NRXN3: variants seen among roughly 807,000 people sequenced by gnomAD.
The protein encoded by NRXN3 is neurexin III.
A neutral mutation model predicts 137.6 loss-of-function variants in NRXN3; 32 were observed. The observed-to-expected ratio is 0.23, with a 90% CI of 0.18 to 0.31. The LOEUF (loss-of-function observed/expected upper bound fraction) is 0.31, where lower values mean the gene tolerates loss of function less well. Ranked by LOEUF, NRXN3 falls within the 10% of genes least tolerant of loss-of-function variation. The pLI, the probability that NRXN3 is intolerant of heterozygous loss-of-function variation, is 1.00. For missense variants in NRXN3, 1,574 were observed against 2,062.5 expected (o/e 0.76, Z 4.59); for synonymous variants, 798 against 784.5 (o/e 1.02, Z -0.29).
At chr14:78,571,694 T>TAC (rs368692432) in intron 4 of NRXN3, among the ~76,000 whole-genome samples, 16 of 151,986 alleles carry the variant, frequency 1.1e-4, no homozygotes, top group African/African-American at 2.4e-4. Context: ...TGCTTTTACC[T>TAC]ACACACACAC....
At chr14:79,272,086 A>T (rs1598140744) in intron 15 of NRXN3, among the ~76,000 whole-genome samples, 1 of 152,196 alleles carries the variant, frequency 6.6e-6, no homozygotes, top group East Asian at 1.9e-4. Flanking sequence ...TCCCTGCCGT[A>T]GATCAGTAGA....
At chr14:78,573,705 G>A (rs182885474) in intron 4 of NRXN3, among the ~76,000 whole-genome samples, 70 of 152,260 alleles carry the variant, frequency 4.6e-4, no homozygotes, top group African/African-American at 1.3e-3. Flanking sequence ...TTTGGAATTG[G>A]AACTTATATT....
chr14:79,623,849 G>GTTTTTTTTTTTTTTTTTTTT (rs571687023), intron 16 of NRXN3, among the ~76,000 whole-genome samples: 1 of 98,026 alleles, frequency 1.0e-5, no homozygotes, highest in African/African-American at 3.9e-5. Context: ...CTTAGCTCCT[G>GTTTTTTTTTTTTTTTTTTTT]TTTTTTTTTT....
chr14:79,763,054 T>A (rs1235180576), intron 19 of NRXN3, among the ~76,000 whole-genome samples: 1 of 150,788 alleles, frequency 6.6e-6, no homozygotes. Flanking sequence ...GTATGTGATG[T>A]TCCCCCCTCC....
chr14:78,445,724 T>C (rs17829186), intron 4 of NRXN3, among the ~76,000 whole-genome samples: 42,372 of 152,196 alleles, frequency 0.28, 7,435 homozygotes, highest in Non-Finnish European at 0.37. Context: ...AAAAAATGAA[T>C]GCATCCAAAT....
At chr14:78,605,541 T>C (rs1328577313) in intron 4 of NRXN3, among the ~76,000 whole-genome samples, 3 of 152,186 alleles carry the variant, frequency 2.0e-5, no homozygotes, top group Non-Finnish European at 4.4e-5. Flanking sequence ...TTCTGGAATT[T>C]AATGTCATAT....
At chr14:79,159,316 G>T (rs972303406) in intron 15 of NRXN3, among the ~76,000 whole-genome samples, 1 of 151,768 alleles carries the variant, frequency 6.6e-6, no homozygotes, top group African/African-American at 2.4e-5. Context: ...CATGCTTCAG[G>T]ATGTTGATCT....
chr14:79,683,807 A>G lies in NRXN3; in HGVS notation c.3617-8366A>G, dbSNP rs117115355. Among the ~76,000 whole-genome samples the G allele has an allele frequency of 1.4e-4, 22 of 152,280 alleles. No homozygotes were observed. In the East Asian group the frequency reaches 4.1e-3, roughly 28 times the overall value. ...AGTTCCTTGCCTTATGTATGTTTCC[A>G]TAGAACTTCTTAAGTGTCTTCATGA... On this transcript the variant is annotated intron_variant, in intron 17 of 20. Transcript: ENST00000335750.
intron 15 of NRXN3, among the ~76,000 whole-genome samples, chr14:79,451,472 A>G (rs576515211): frequency 6.6e-5 from 10 of 152,232 alleles, no homozygotes; most frequent in Non-Finnish European, 1.2e-4. Flanking sequence ...AACTTTGGAC[A>G]CATGTTAGGA....
chr14:78,425,742 C>T lies in NRXN3; in HGVS notation c.757+127882C>T, dbSNP rs534653953. On this transcript the variant is annotated intron_variant, in intron 4 of 20. Coordinates refer to ENST00000335750, the MANE Select transcript of NRXN3 (RefSeq NM_001330195.2). ...TACCCCTTCCCCCACCCACTCTTGG[C>T]TCCTGGCCCTACCTCCTTCACCCCT... Among the ~76,000 whole-genome samples the T allele has an allele frequency of 2.6e-5, 4 of 152,306 alleles. No homozygotes were observed. The South Asian group carries it at 6.2e-4, about 24-fold the overall frequency.
intron 16 of NRXN3, among the ~76,000 whole-genome samples, chr14:79,615,219 C>T (rs988701321): frequency 1.3e-5 from 2 of 152,020 alleles, no homozygotes; most frequent in Non-Finnish European, 2.9e-5. Context: ...CACGGGAAGA[C>T]AAAAATTAAA....
chr14:79,294,688 TAAG>T (rs899426053), intron 15 of NRXN3, among the ~76,000 whole-genome samples: 17 of 152,152 alleles, frequency 1.1e-4, no homozygotes, highest in Non-Finnish European at 2.5e-4. Flanking sequence ...TTCTTCAGTA[TAAG>T]AAGGATAGGT....
chr14:79,686,939 C>G (rs1413359250), intron 17 of NRXN3, among the ~76,000 whole-genome samples: 1 of 152,168 alleles, frequency 6.6e-6, no homozygotes, highest in Non-Finnish European at 1.5e-5. Context: ...CAGGGTCTCC[C>G]TGGCTCAAGG....
chr14:78,998,362 G>A (rs2099534461), intron 15 of NRXN3, among the ~76,000 whole-genome samples: 1 of 152,152 alleles, frequency 6.6e-6, no homozygotes, highest in African/African-American at 2.4e-5. Flanking sequence ...GGTTTTCTGA[G>A]GCTTTACATC....
chr14:78,810,138 C>T (rs1046143187), intron 9 of NRXN3, among the ~76,000 whole-genome samples, 180 bp from the exon 10 acceptor site: 2 of 151,118 alleles, frequency 1.3e-5, no homozygotes, highest in African/African-American at 4.9e-5. Flanking sequence ...TCCAACTTTA[C>T]TAAATAATAT....
chr14:79,602,748 T>G (rs191784518), intron 16 of NRXN3, among the ~76,000 whole-genome samples: 88 of 152,080 alleles, frequency 5.8e-4, no homozygotes, highest in African/African-American at 2.1e-3. Flanking sequence ...TTTTTTTTTT[T>G]CCTATCGCTT....
intron 10 of NRXN3, among the ~76,000 whole-genome samples, chr14:78,891,507 G>A (rs113852573): frequency 0.011 from 1,681 of 151,970 alleles, 33 homozygotes; most frequent in African/African-American, 0.035. Flanking sequence ...TCCATGACAT[G>A]AGAAATAAAA....
intron 19 of NRXN3, among the ~76,000 whole-genome samples, chr14:79,752,056 A>G (rs892593685): frequency 6.6e-6 from 1 of 152,084 alleles, no homozygotes; most frequent in Non-Finnish European, 1.5e-5. Flanking sequence ...GTCTCTGTCC[A>G]GCTTTGGTAT....
chr14:79,436,947 C>T (rs965126830), intron 15 of NRXN3, among the ~76,000 whole-genome samples: 2 of 152,224 alleles, frequency 1.3e-5, no homozygotes, highest in African/African-American at 4.8e-5. Flanking sequence ...CCACGCTGCA[C>T]ACAGTTGCCA....
Sources: gnomAD v4.1 joint callset for allele counts (sites outside exome capture counted in the v4.1 genomes callset) on GRCh38, gnomAD v4.1.1 for gene constraint, MANE v1.5 for transcripts, NCBI Gene and HGNC (gene_info 2026-07-23, HGNC 2026-07-21) for gene names.